Variants in COL6A2 observed in about 807,000 individuals in gnomAD.
COL6A2 encodes the protein collagen type VI alpha 2 chain.
Under a neutral mutation model 124.9 loss-of-function variants are expected in COL6A2, and 90 were observed. The ratio of observed to expected loss-of-function variants is 0.72; its 90% CI spans 0.61 to 0.86. COL6A2 has a LOEUF of 0.86. Ranked by LOEUF, COL6A2 falls within the 40% of genes least tolerant of loss-of-function variation. The pLI, the probability that COL6A2 is intolerant of heterozygous loss-of-function variation, is 0.00. For missense variants in COL6A2, 1,607 were observed against 1,502.5 expected, an observed-to-expected ratio of 1.07 and a Z score of -1.15; for synonymous variants, 793 against 618.2, an observed-to-expected ratio of 1.28 and a Z score of -4.19.
intron 6 of COL6A2, 40 bp from the exon 7 acceptor site, chr21:46,115,969 C>G: frequency 6.2e-7 from 1 of 1,611,220 alleles, no homozygotes; most frequent in Non-Finnish European, 8.5e-7. Context: ...CAGCCCAGCG[C>G]CCCAGGGCTG....
intron 3 of COL6A2, 86 bp from the exon 4 acceptor site, chr21:46,112,718 G>A: frequency 6.2e-7 from 1 of 1,605,590 alleles, no homozygotes; most frequent in African/African-American, 1.3e-5. Flanking sequence ...CCACTCAGGT[G>A]TCCCTCCATC....
intron 1 of COL6A2, among the ~76,000 whole-genome samples, chr21:46,110,067 C>T (rs1214062216): frequency 6.6e-6 from 1 of 152,224 alleles, no homozygotes; most frequent in Non-Finnish European, 1.5e-5. Context: ...TGGCCATGTC[C>T]TCTCGCAGCC....
rs1291272464 is a variant in COL6A2, at chr21:46,112,376, G to A, written c.513G>A (p.Gly171=). ...GCCACGTCACCGGCAGCCCCTGCGG[G>A]GGCATCAAGCTGCAGGCCGAGCGGG... ...TDGHVTGSPC[G]GIKLQAERAR... The change falls in exon 3 of 28, where the codon GGG becomes GGA. Residue 171 remains glycine, a synonymous_variant. Coordinates refer to ENST00000300527, the MANE Select transcript of COL6A2 (RefSeq NM_001849.4). 1.2e-6 allele frequency: 2 copies of A among 1,608,304 alleles called. No homozygotes were observed. Among genetic ancestry groups the A allele is most frequent in the African/African-American group, 1.3e-5 (1 of 74,934 alleles).
In COL6A2 at chr21:46,113,873, G is replaced by T. The variant is rs1037696140; in HGVS notation, c.736-135G>T. 9.2e-6 allele frequency: 7 copies of T among 757,614 alleles called. No individual in the cohort carries two copies. The Admixed American group carries it at 1.4e-4, about 15-fold the overall frequency. The allele number at this position is 757,614 out of a possible 1,614,324, so 46.9% of individuals were successfully genotyped here. On this transcript the variant is annotated intron_variant, in intron 4 of 27. Coordinates refer to ENST00000300527, the MANE Select transcript of COL6A2 (RefSeq NM_001849.4). ...CATGTCTCACAGCTCCCTCACGCCC[G>T]CCCAGGTTCTCAGGGCATTTCAGCA...
intron 1 of COL6A2, among the ~76,000 whole-genome samples, chr21:46,099,903 T>TTTTTTTTTTTTG (rs2078270404): frequency 6.8e-6 from 1 of 147,348 alleles, no homozygotes; most frequent in South Asian, 2.2e-4. Context: ...TTTTTTTTTT[T>TTTTTTTTTTTTG]TTTTTTTTTC....
intron 26 of COL6A2, 23 bp downstream of exon 26, chr21:46,126,260 G>T: frequency 1.3e-6 from 2 of 1,596,356 alleles, no homozygotes; most frequent in Non-Finnish European, 1.7e-6. Flanking sequence ...GCGCGGGGCA[G>T]TCGGCCGAGG....
chr21:46,107,370 A>C (rs537250751), intron 1 of COL6A2, among the ~76,000 whole-genome samples: 3 of 152,106 alleles, frequency 2.0e-5, no homozygotes, highest in Admixed American at 1.3e-4. Context: ...CTTACTTTCC[A>C]TCTGACTCTG....
chr21:46,116,285 C>G lies in COL6A2; in HGVS notation c.901-92C>G. 1 of 1,459,316 alleles carries G rather than the reference C, an allele frequency of 6.9e-7. No individual in the cohort carries two copies. Among genetic ancestry groups the G allele is most frequent in the Non-Finnish European group, 9.5e-7 (1 of 1,052,726 alleles). 90.4% of individuals were successfully genotyped at this position (1,459,316 alleles called of 1,614,324 possible). ...AGAACACTAGATGCCAGCGGCCCAC[C>G]GAGCACTCCCCTCAGCCTGCAGGGC... On this transcript the variant is annotated intron_variant, in intron 7 of 27. Coordinates refer to ENST00000300527, the MANE Select transcript of COL6A2 (RefSeq NM_001849.4). The surrounding 1 kb of genome is among the most constrained non-coding windows in gnomAD (Gnocchi z 4.6).
chr21:46,129,027 C>G, intron 27 of COL6A2: 1 of 1,603,068 alleles, frequency 6.2e-7, no homozygotes, highest in Non-Finnish European at 8.5e-7. Flanking sequence ...TGCCCCCACG[C>G]CTCCTGCCAA....
At chr21:46,123,276 C>T (rs1453927630) in intron 21 of COL6A2, among the ~76,000 whole-genome samples, 1 of 147,222 alleles carries the variant, frequency 6.8e-6, no homozygotes, top group Non-Finnish European at 1.5e-5. Flanking sequence ...TCCCCAGCGA[C>T]CCCAACATAG....
chr21:46,127,344 C>T (rs1034579097), intron 27 of COL6A2, among the ~76,000 whole-genome samples: 7 of 152,132 alleles, frequency 4.6e-5, no homozygotes, highest in Admixed American at 2.6e-4. Flanking sequence ...TTCGGGCGTT[C>T]CATGGGGAGC....
intron 26 of COL6A2, 109 bp downstream of exon 26, chr21:46,126,346 G>A (rs1470685395): frequency 6.6e-7 from 1 of 1,518,404 alleles, no homozygotes; most frequent in African/African-American, 1.4e-5. Flanking sequence ...TGCAGCCCAG[G>A]ATCTTGGGCT....
chr21:46,125,437 C>T (rs1408333191), intron 24 of COL6A2, 28 bp from the exon 25 acceptor site: 12 of 1,603,498 alleles, frequency 7.5e-6, no homozygotes, highest in Admixed American at 5.0e-5. Context: ...CTCCCCGGTA[C>T]CCCCCGATGA....
In COL6A2 at chr21:46,132,725, A is replaced by G. The variant is rs564168749; in HGVS notation, c.*173A>G. The G allele has an allele frequency of 2.1e-4, 133 of 635,872 alleles. No individual in the cohort carries two copies. Among genetic ancestry groups the G allele is most frequent in the Middle Eastern group, 8.4e-4 (2 of 2,386 alleles). 39.4% of individuals were successfully genotyped at this position (635,872 alleles called of 1,614,324 possible). On this transcript the variant is annotated 3_prime_UTR_variant, in exon 28 of 28. Coordinates refer to ENST00000300527, the MANE Select transcript of COL6A2 (RefSeq NM_001849.4). ...GTAGCCCCGGCCCCCGCCCAGCCCC[A>G]GGTCTCCCCAGGCCCTCCGCAGGCT... is the stretch of plus-strand genomic sequence containing the variant.
rs1446460831 is a variant in COL6A2, at chr21:46,117,422, C to T, written c.1022C>T (p.Pro341Leu). The change falls in exon 11 of 28, where the codon CCT becomes CTT. Residue 341 changes from proline (P) to leucine (L), a missense_variant. By Grantham distance (98) the Pro-to-Leu change is moderately conservative. Around this residue, in one of 3 missense-constraint regions of COL6A2, gnomAD observed 1,223 missense variants for 1,052.2 expected, o/e 1.16. Transcript: ENST00000300527. Reference sequence around the variant, plus strand: ...CAGGGCAAGCTGGGGCGCATCGGACCTCCTGGCTGCAAGGGAGACCCTGGA... The same window carrying T: ...CAGGGCAAGCTGGGGCGCATCGGACTTCCTGGCTGCAAGGGAGACCCTGGA... ...GQKGKLGRIG[P>L]PGCKGDPGNR... is the part of the protein sequence containing the mutation. 2 of 1,612,856 alleles carry T rather than the reference C, an allele frequency of 1.2e-6. No homozygotes were observed. Among genetic ancestry groups the T allele is most frequent in the African/African-American group, 2.7e-5 (2 of 75,058 alleles).
rs376173871 is a variant in COL6A2 at position 46,132,298 on chromosome 21, G to T, written c.2806G>T (p.Ala936Ser). 1 of 1,606,160 alleles carries T rather than the reference G, an allele frequency of 6.2e-7. No homozygotes were observed. The highest frequency in any genetic ancestry group is 8.5e-7 in the Non-Finnish European group (1 of 1,179,346). The change falls in exon 28 of 28, where the codon GCC becomes TCC. Residue 936 changes from alanine (A) to serine (S), a missense_variant. Coordinates refer to ENST00000300527, the MANE Select transcript of COL6A2 (RefSeq NM_001849.4). ...CATCGTGCGCAGCCCGCGTGGCGGG[G>T]CCCGGAGGCACGCAGAGCTGTCCTT... ...NAIVRSPRGG[A>S]RRHAELSFVF...
chr21:46,114,147 C>T, intron 5 of COL6A2, 74 bp downstream of exon 5: 1 of 1,331,864 alleles, frequency 7.5e-7, no homozygotes, highest in Non-Finnish European at 1.1e-6. Flanking sequence ...CCACACTTGG[C>T]CGGGCGTGGT....
At chr21:46,101,212 G>C (rs973118570) in intron 1 of COL6A2, among the ~76,000 whole-genome samples, 22 of 152,054 alleles carry the variant, frequency 1.4e-4, no homozygotes, top group African/African-American at 4.6e-4. Context: ...TATCTCTTGG[G>C]AGAAATATCT....
At chr21:46,126,433 C>G in intron 26 of COL6A2, 70 bp from the exon 27 acceptor site, 2 of 1,595,468 alleles carry the variant, frequency 1.3e-6, no homozygotes, top group Non-Finnish European at 1.7e-6. Flanking sequence ...CTAGGCAGAT[C>G]AGTGAACGGC....
Sources: allele counts gnomAD v4.1 joint callset (sites outside exome capture counted in the v4.1 genomes callset), GRCh38; gene constraint gnomAD v4.1.1; regional missense constraint gnomAD v4.1.1; non-coding constraint Gnocchi (gnomAD v3.1); transcripts MANE v1.5; gene names NCBI Gene and HGNC (gene_info 2026-07-23, HGNC 2026-07-21).